Variants in GFM2 observed in about 807,000 individuals in gnomAD.
GFM2 encodes the protein GTP dependent ribosome recycling factor mitochondrial 2.
GFM2 carries 72 observed loss-of-function variants against 95.4 expected under a neutral mutation model. That is an observed-to-expected ratio of 0.76 (90% confidence interval 0.62 to 0.92). The LOEUF (loss-of-function observed/expected upper bound fraction) is 0.92. Ranked by LOEUF, GFM2 falls within the 40% of genes least tolerant of loss-of-function variation. The pLI is 0.00. For synonymous variants in GFM2, 276 were observed against 317.5 expected, an observed-to-expected ratio of 0.87 and a Z score of 1.39; for missense variants, 825 against 924.1, an observed-to-expected ratio of 0.89 and a Z score of 1.39.
chr5:74,767,075 G>A lies in GFM2; in HGVS notation c.-162C>T, dbSNP rs1037188045. 1 of 430,824 alleles carries A rather than the reference G, an allele frequency of 2.3e-6. No individual in the cohort carries two copies. Among genetic ancestry groups the A allele is most frequent in the Non-Finnish European group, 4.3e-6 (1 of 235,068 alleles). 26.7% of individuals were successfully genotyped at this position (430,824 alleles called of 1,614,324 possible). Reference sequence around the variant, plus strand: ...AAAAGGCAATGTATCTAAACGAAAAGAAAATAGGCTTTCTCCGCTCTACCG... The same window carrying A: ...AAAAGGCAATGTATCTAAACGAAAAAAAAATAGGCTTTCTCCGCTCTACCG... On this transcript the variant is annotated 5_prime_UTR_variant, in exon 1 of 21. Coordinates refer to ENST00000296805, the MANE Select transcript of GFM2 (RefSeq NM_032380.5).
chr5:74,736,222 A>T (rs1447361535), intron 15 of GFM2: 1 of 324,118 alleles, frequency 3.1e-6, no homozygotes, highest in Non-Finnish European at 4.4e-6. Flanking sequence ...TGCTATATGT[A>T]ACCAAATCTA....
At position 74,750,563 on chromosome 5, in the gene GFM2, T is replaced by C. The variant is rs779406631; in HGVS notation, c.519+16A>G. 6.3e-7 allele frequency: 1 copy of C among 1,579,472 alleles called. No individual in the cohort carries two copies. Among genetic ancestry groups the C allele is most frequent in the Non-Finnish European group, 8.7e-7 (1 of 1,149,924 alleles). On this transcript the variant is annotated intron_variant, in intron 7 of 20. Transcript: ENST00000296805. ...CATGCTGTTCTAATTCCCTTTACTTTGGCAATATTATTTACCTCTACACCA... is the reference window on the plus strand; with the variant it reads ...CATGCTGTTCTAATTCCCTTTACTTCGGCAATATTATTTACCTCTACACCA...
chr5:74,748,645 A>C (rs767009970), intron 7 of GFM2, among the ~76,000 whole-genome samples: 1 of 152,046 alleles, frequency 6.6e-6, no homozygotes, highest in Non-Finnish European at 1.5e-5. Flanking sequence ...CAGGTGGATC[A>C]CTTGAGGTCA....
chr5:74,737,872 G>A (rs186795015), intron 14 of GFM2, among the ~76,000 whole-genome samples: 1 of 152,228 alleles, frequency 6.6e-6, no homozygotes, highest in East Asian at 1.9e-4. Context: ...TCTATGGACT[G>A]TAGGGCATTG....
intron 6 of GFM2, among the ~76,000 whole-genome samples, chr5:74,750,895 A>C (rs978762231): frequency 7.2e-5 from 11 of 152,236 alleles, no homozygotes; most frequent in African/African-American, 2.7e-4. Flanking sequence ...ATGGATAAAC[A>C]AAATGTGATA....
At position 74,721,229 on chromosome 5, in the gene GFM2, G is replaced by GAAATCATGTAAA; in HGVS notation, c.*414_*425dup. On this transcript the variant is annotated 3_prime_UTR_variant, in exon 21 of 21. Coordinates refer to ENST00000296805, the MANE Select transcript of GFM2 (RefSeq NM_032380.5). ...TCTGTACTACAATCAACTTTATTTTGAAATCATGTAAAATAAGATATTAGA... is the reference window on the plus strand; with the variant it reads ...TCTGTACTACAATCAACTTTATTTTGAAATCATGTAAAAAATCATGTAAAATAAGATATTAGA... 7.5e-7 allele frequency: 1 copy of GAAATCATGTAAA among 1,331,984 alleles called. No individual in the cohort carries two copies. The highest frequency in any genetic ancestry group is 1.1e-6 in the Non-Finnish European group (1 of 923,462). The allele number at this position is 1,331,984 out of a possible 1,614,324, so 82.5% of individuals were successfully genotyped here.
chr5:74,749,103 T>G (rs1743562148), intron 7 of GFM2, among the ~76,000 whole-genome samples: 1 of 151,812 alleles, frequency 6.6e-6, no homozygotes, highest in Non-Finnish European at 1.5e-5. Context: ...CCAACCTCCC[T>G]GCTGGGCTCA....
chr5:74,764,076 T>C (rs1337046233), intron 1 of GFM2, among the ~76,000 whole-genome samples: 2 of 152,226 alleles, frequency 1.3e-5, no homozygotes, highest in African/African-American at 4.8e-5. Context: ...CCAAAATGCA[T>C]TGTTATGTAA....
intron 17 of GFM2, among the ~76,000 whole-genome samples, chr5:74,728,465 GCTGT>G (rs1750250129): frequency 2.0e-5 from 3 of 152,244 alleles, no homozygotes; most frequent in African/African-American, 7.2e-5. Context: ...GGTTTGGCTT[GCTGT>G]CTGAGGGATG....
chr5:74,737,059 A>G (rs188566276), intron 14 of GFM2, 74 bp from the exon 15 acceptor site: 54 of 1,449,016 alleles, frequency 3.7e-5, no homozygotes, highest in Non-Finnish European at 4.9e-5. Flanking sequence ...GAACCACAAT[A>G]TAAGAAAACT....
At chr5:74,753,383 C>T (rs373387604) in intron 5 of GFM2, among the ~76,000 whole-genome samples, 11 of 151,982 alleles carry the variant, frequency 7.2e-5, no homozygotes, top group South Asian at 4.1e-4. Context: ...AGATCACTTG[C>T]GGTCAGGAGT....
At chr5:74,746,300 GCTCA>G (rs1460514170) in intron 8 of GFM2, 135 bp from the exon 9 acceptor site, 9 of 459,846 alleles carry the variant, frequency 2.0e-5, no homozygotes, top group Admixed American at 4.0e-5. Context: ...TCTCCTTAAC[GCTCA>G]CTATTTAACA....
In GFM2 at chr5:74,767,111, C is replaced by T. The variant is rs1744678595; in HGVS notation, c.-198G>A. ...TTCTCCGCTCTACCGCCTCGGGCAGCCACACCTCCACACTTCCGGCGGTGT... is the reference window on the plus strand; with the variant it reads ...TTCTCCGCTCTACCGCCTCGGGCAGTCACACCTCCACACTTCCGGCGGTGT... On this transcript the variant is annotated 5_prime_UTR_variant, in exon 1 of 21. Coordinates refer to ENST00000296805, the MANE Select transcript of GFM2 (RefSeq NM_032380.5). The T allele has an allele frequency of 4.1e-6, 2 of 482,488 alleles. No individual in the cohort carries two copies. Among genetic ancestry groups the T allele is most frequent in the Non-Finnish European group, 7.5e-6 (2 of 266,048 alleles). 29.9% of individuals were successfully genotyped at this position (482,488 alleles called of 1,614,324 possible).
At chr5:74,730,215 G>A (rs1742483657) in intron 17 of GFM2, 45 bp downstream of exon 17, 2 of 1,548,114 alleles carry the variant, frequency 1.3e-6, no homozygotes, top group Non-Finnish European at 1.7e-6. Context: ...GAGAAAGAAA[G>A]ACAGAAAGAG....
chr5:74,762,668 A>G (rs1278659530), intron 2 of GFM2, among the ~76,000 whole-genome samples: 1 of 152,200 alleles, frequency 6.6e-6, no homozygotes, highest in South Asian at 2.1e-4. Context: ...ACCGTGATTA[A>G]GTAAAATAAA....
At chr5:74,748,698 C>T (rs533100619) in intron 7 of GFM2, among the ~76,000 whole-genome samples, 93 of 151,732 alleles carry the variant, frequency 6.1e-4, no homozygotes, top group Non-Finnish European at 1.1e-3. Context: ...AACTCTGTCT[C>T]TACTAAAAAT....
At position 74,741,695 on chromosome 5, in the gene GFM2, T is replaced by A. The variant is rs1743115470; in HGVS notation, c.850-86A>T. On this transcript the variant is annotated intron_variant, in intron 10 of 20. Transcript: ENST00000296805. ...TCCAAACACCATAAACAGACAATAT[T>A]CAAATATTTCAAGACAGCTACCTTA... The A allele has an allele frequency of 2.8e-5, 18 of 645,390 alleles. No homozygotes were observed. The South Asian group carries it at 3.5e-4, about 12-fold the overall frequency. The allele number at this position is 645,390 out of a possible 1,614,324, so 40.0% of individuals were successfully genotyped here.
chr5:74,755,486 G>A (rs1052480311), intron 5 of GFM2, among the ~76,000 whole-genome samples: 2 of 152,088 alleles, frequency 1.3e-5, no homozygotes, highest in Non-Finnish European at 2.9e-5. Context: ...CCATTAGTAA[G>A]ATTAACCAAG....
chr5:74,745,076 C>T (rs1472239762), intron 10 of GFM2, among the ~76,000 whole-genome samples: 1 of 152,090 alleles, frequency 6.6e-6, no homozygotes, highest in Non-Finnish European at 1.5e-5. Flanking sequence ...CAGTGGCTCA[C>T]GCTGGTAATC....
Sources: gnomAD v4.1 joint callset for allele counts (sites outside exome capture counted in the v4.1 genomes callset) on GRCh38, gnomAD v4.1.1 for gene constraint, MANE v1.5 for transcripts, NCBI Gene and HGNC (gene_info 2026-07-23, HGNC 2026-07-21) for gene names.